Variants in ITPRIPL1 observed in about 807,000 individuals in gnomAD.
ITPRIPL1 encodes ITPRIP like 1.
In ITPRIPL1, 28 loss-of-function variants were observed where a neutral mutation model predicts 40.0. That is an observed-to-expected ratio of 0.70 (90% CI 0.52 to 0.96). The LOEUF (loss-of-function observed/expected upper bound fraction) is 0.96, where lower values mean the gene tolerates loss of function less well. Ranked by LOEUF, ITPRIPL1 falls within the 40% of genes least tolerant of loss-of-function variation. The pLI is 0.00. For missense variants in ITPRIPL1, 638 were observed against 698.0 expected (o/e 0.91, Z 0.97); for synonymous variants, 251 against 275.7 (o/e 0.91, Z 0.89).
intron 2 of ITPRIPL1, chr2:96,326,256 G>A (rs1288669915): frequency 6.9e-7 from 1 of 1,439,282 alleles, no homozygotes; most frequent in East Asian, 3.2e-5. Context: ...ATAAAAGGGA[G>A]CCTCTGGGAT....
chr2:96,329,247 AAT>A (rs1314193756), downstream of ITPRIPL1: 4 of 143,904 alleles, frequency 2.8e-5, no homozygotes, highest in African/African-American at 7.7e-5. Context: ...TTCATATGAC[AAT>A]AGAGTTGTTT....
rs1389939676 is a variant in ITPRIPL1, at chr2:96,326,095, T to C, written c.10+246T>C. 1.1e-5 allele frequency: 15 copies of C among 1,364,232 alleles called. No homozygotes were observed. In the Middle Eastern group the frequency reaches 7.6e-4, roughly 69 times the overall value. The allele number at this position is 1,364,232 out of a possible 1,614,324, so 84.5% of individuals were successfully genotyped here. A position where few individuals can be genotyped will look rare whatever the true frequency, so the allele number is the denominator to read the frequency against. The stretch of plus-strand genomic sequence containing the variant: ...GGCACTGTGCCTCTCTTGCGCTCCC[T>C]GGGCAGAGAGGGAGAGGCTGAGTGA... On this transcript the variant is annotated intron_variant, in intron 2 of 2. Transcript: ENST00000439118.
At position 96,328,134 on chromosome 2, in the gene ITPRIPL1, C is replaced by T. The variant is rs2064134849; in HGVS notation, c.1503C>T (p.Pro501=). ...TCCTCATTGGTAACAATTTTCTGCC[C>T]CTGACCATCCCAATCCCTAAGACAT... ...HHFLIGNNFL[P]LTIPIPKTFR... Residue 501 remains proline (P), a synonymous_variant, in exon 3 of 3, where the codon CCC becomes CCT. Coordinates refer to ENST00000439118, the MANE Select transcript of ITPRIPL1 (RefSeq NM_001008949.3). The T allele has an allele frequency of 3.7e-6, 6 of 1,613,920 alleles. No homozygotes were observed. The highest frequency in any genetic ancestry group is 5.1e-6 in the Non-Finnish European group (6 of 1,180,020).
At position 96,327,357 on chromosome 2, in the gene ITPRIPL1, C is replaced by T; in HGVS notation, c.726C>T (p.Val242=). The change falls in exon 3 of 3, where the codon GTC becomes GTT. Residue 242 remains valine (V), a synonymous_variant. Transcript: ENST00000439118. ...TQKFDILVPI[V]PPQGTMFVLE... is the part of the protein sequence containing the mutation. ...AATTTGATATCCTGGTGCCCATTGT[C>T]CCCCCACAGGGCACCATGTTTGTCC... The T allele has an allele frequency of 6.2e-7, 1 of 1,614,046 alleles. No individual in the cohort carries two copies. The highest frequency in any genetic ancestry group is 8.5e-7 in the Non-Finnish European group (1 of 1,179,970).
chr2:96,327,030 T>C lies in ITPRIPL1; in HGVS notation c.399T>C (p.His133=). The change falls in exon 3 of 3, where the codon CAT becomes CAC. Residue 133 remains histidine, a synonymous_variant. Transcript: ENST00000439118. ...VFELLRQNMQ[H]EPAFDSSSEE... is the part of the protein sequence containing the mutation. Reference sequence around the variant, plus strand: ...AGCTCCTGCGACAGAACATGCAGCATGAACCGGCCTTTGATTCCAGCAGTG... The same window carrying C: ...AGCTCCTGCGACAGAACATGCAGCACGAACCGGCCTTTGATTCCAGCAGTG... The C allele has an allele frequency of 6.2e-7, 1 of 1,614,230 alleles. No individual in the cohort carries two copies. Among genetic ancestry groups the C allele is most frequent in the Non-Finnish European group, 8.5e-7 (1 of 1,180,034 alleles).
downstream of ITPRIPL1, chr2:96,329,149 T>TTATATATATA (rs57173953): frequency 9.4e-5 from 8 of 85,188 alleles, 1 homozygote; most frequent in African/African-American, 2.0e-4. Flanking sequence ...AAAAAAAAAA[T>TTATATATATA]TATATATATA....
chr2:96,326,383 G>A, intron 2 of ITPRIPL1: 2 of 1,522,806 alleles, frequency 1.3e-6, no homozygotes, highest in Non-Finnish European at 1.8e-6. Flanking sequence ...TACACTTTCT[G>A]GAAGCCTAAA....
At chr2:96,329,706 G>C (rs1416052336), downstream of ITPRIPL1, 4 of 152,124 alleles carry the variant, frequency 2.6e-5, no homozygotes, top group Non-Finnish European at 4.4e-5. Flanking sequence ...TGTGATTCTA[G>C]AGATATAATT....
At chr2:96,326,166 C>T (rs1218744670) in intron 2 of ITPRIPL1, 1 of 1,479,426 alleles carries the variant, frequency 6.8e-7, no homozygotes, top group Non-Finnish European at 9.0e-7. Flanking sequence ...ACTGTGAAGT[C>T]ACAGAGGAAG....
At position 96,325,536 on chromosome 2, in the gene ITPRIPL1, T is replaced by C. The variant is rs575414752; in HGVS notation, c.-123T>C. ...AGTGGCGGTCAGGCCGCGCTGTCTCTTTAAGATCGTGTTCCTACTAACACT... is the reference window on the plus strand; with the variant it reads ...AGTGGCGGTCAGGCCGCGCTGTCTCCTTAAGATCGTGTTCCTACTAACACT... On this transcript the variant is annotated 5_prime_UTR_variant, in exon 1 of 3. Coordinates refer to ENST00000439118, the MANE Select transcript of ITPRIPL1 (RefSeq NM_001008949.3). 239 of 519,154 alleles carry C rather than the reference T, an allele frequency of 4.6e-4. No homozygotes were observed. Among genetic ancestry groups the C allele is most frequent in the Admixed American group, 1.3e-3 (41 of 30,458 alleles). The allele number at this position is 519,154 out of a possible 1,614,324, so 32.2% of individuals were successfully genotyped here.
chr2:96,329,885 C>T (rs1486482195), downstream of ITPRIPL1: 1 of 152,190 alleles, frequency 6.6e-6, no homozygotes, highest in Middle Eastern at 3.4e-3. Flanking sequence ...TTGACCTCAG[C>T]AGGGATCAGA....
At chr2:96,329,565 T>A (rs2064146468), downstream of ITPRIPL1, 1 of 151,628 alleles carries the variant, frequency 6.6e-6, no homozygotes, top group South Asian at 2.1e-4. Flanking sequence ...TGTATTTTTT[T>A]TTTTTTTTTT....
chr2:96,326,838 GC>G lies in ITPRIPL1; in HGVS notation c.208del (p.Gln70ArgfsTer16). The G allele has an allele frequency of 1.2e-6, 2 of 1,614,094 alleles. No homozygotes were observed. The highest frequency in any genetic ancestry group is 1.7e-6 in the Non-Finnish European group (2 of 1,180,036). On this transcript the variant is annotated frameshift_variant, in exon 3 of 3. Coordinates refer to ENST00000439118, the MANE Select transcript of ITPRIPL1 (RefSeq NM_001008949.3). LOFTEE classifies it high-confidence loss of function. ...EERKRAAEQR[Q>X]KAENFWTGDT... ...AGAGAAAGCGAGCCGCTGAGCAGAG[GC>G]AGAAGGCAGAGAACTTCTGGACAGG...
At position 96,327,825 on chromosome 2, in the gene ITPRIPL1, T is replaced by C. The variant is rs777229457; in HGVS notation, c.1194T>C (p.Phe398=). ...QLTSVDWPES[F]VACEHLFLKL... is the part of the protein sequence containing the mutation. ...CCAGTGTGGACTGGCCTGAGTCCTTTGTGGCCTGTGAGCACCTGTTCCTGA... is the reference window on the plus strand; with the variant it reads ...CCAGTGTGGACTGGCCTGAGTCCTTCGTGGCCTGTGAGCACCTGTTCCTGA... The change falls in exon 3 of 3, where the codon TTT becomes TTC. Residue 398 remains phenylalanine, a synonymous_variant. Coordinates refer to ENST00000439118, the MANE Select transcript of ITPRIPL1 (RefSeq NM_001008949.3). The C allele has an allele frequency of 9.9e-6, 16 of 1,614,030 alleles. No individual in the cohort carries two copies. The highest frequency in any genetic ancestry group is 1.1e-5 in the Non-Finnish European group (13 of 1,180,036).
At chr2:96,326,484 A>T (rs1479263345) in intron 2 of ITPRIPL1, 158 bp from the exon 3 acceptor site, 2 of 1,545,154 alleles carry the variant, frequency 1.3e-6, no homozygotes, top group Non-Finnish European at 1.7e-6. Context: ...TCCCAGGCCG[A>T]CCACCCTTGC....
chr2:96,326,331 G>C, intron 2 of ITPRIPL1: 1 of 1,477,634 alleles, frequency 6.8e-7, no homozygotes, highest in Non-Finnish European at 9.0e-7. Context: ...TACCACAAGG[G>C]TCCCCCTCCC....
rs1439838873 is a variant in ITPRIPL1, at chr2:96,327,734, T to TG, written c.1108dup (p.Val370GlyfsTer16). On this transcript the variant is annotated frameshift_variant, in exon 3 of 3. Transcript: ENST00000439118. LOFTEE classifies it high-confidence loss of function. ...CGCTTTCTCTCAATCCACTTGGTCC[T>TG]GGGGGTGCAACGAGAAGACACCTTG... 1 of 1,613,314 alleles carries TG rather than the reference T, an allele frequency of 6.2e-7. No individual in the cohort carries two copies. The highest frequency in any genetic ancestry group is 2.2e-5 in the East Asian group (1 of 44,872).
At chr2:96,329,499 A>C (rs1389416070), downstream of ITPRIPL1, 4 of 151,264 alleles carry the variant, frequency 2.6e-5, no homozygotes, top group South Asian at 8.3e-4. Context: ...GTTGAGTGTA[A>C]AGAAGGTTTA....
rs1558781911 is a variant in ITPRIPL1, at chr2:96,328,011, G to A, written c.1380G>A (p.Leu460=). Residue 460 remains leucine, a synonymous_variant, in exon 3 of 3, where the codon CTG becomes CTA. Transcript: ENST00000439118. Reference sequence around the variant, plus strand: ...CTCTCATGCACCTCTTGCTACGGCTGCCCCTCACGGACTGGGCCCACAACA... The same window carrying A: ...CTCTCATGCACCTCTTGCTACGGCTACCCCTCACGGACTGGGCCCACAACA... ...KTALMHLLLR[L]PLTDWAHNML... The A allele has an allele frequency of 6.2e-7, 1 of 1,614,154 alleles. No individual in the cohort carries two copies. Among genetic ancestry groups the A allele is most frequent in the East Asian group, 2.2e-5 (1 of 44,886 alleles).
Sources: gnomAD v4.1 joint callset for allele counts on GRCh38, gnomAD v4.1.1 for gene constraint, MANE v1.5 for transcripts, NCBI Gene and HGNC (gene_info 2026-07-23, HGNC 2026-07-21) for gene names.